The following ZNF487 variants were observed in gnomAD, a reference collection of about 807,000 sequenced individuals.
ZNF487 encodes KRAB domain only 1.
A neutral mutation model predicts 3.0 loss-of-function variants in ZNF487; 4 were observed. That is an observed-to-expected ratio of 1.35 (90% CI 0.66 to 3.08). The LOEUF is 3.08. Among genes scored for constraint, ZNF487 ranks in the 30% most tolerant of loss-of-function variants. The pLI, the probability that ZNF487 is intolerant of heterozygous loss-of-function variation, is 0.01. For synonymous variants in ZNF487, 55 were observed against 34.6 expected (o/e 1.59, Z -2.06); for missense variants, 146 against 98.7 (o/e 1.48, Z -2.03).
intron 1 of ZNF487, among the ~76,000 whole-genome samples, chr10:43,464,911 G>C (rs1048897112): frequency 6.6e-6 from 1 of 152,092 alleles, no homozygotes; most frequent in African/African-American, 2.4e-5. Context: ...GGTGGTGGCC[G>C]GGCAGAGGGG....
intron 1 of ZNF487, among the ~76,000 whole-genome samples, chr10:43,451,011 G>A (rs1033658311): frequency 6.6e-6 from 1 of 151,868 alleles, no homozygotes; most frequent in Non-Finnish European, 1.5e-5. Context: ...GCAATGGCGC[G>A]ATCTTGGCTC....
At chr10:43,493,929 G>T in the ZNF487 span, among the ~76,000 whole-genome samples, 417 of 151,318 alleles carry the variant, frequency 2.8e-3, 1 homozygote, top group Non-Finnish European at 5.1e-3. Flanking sequence ...CCTTTGGGAG[G>T]CTAAGGCAGG....
At chr10:43,480,019 CTT>C (rs1202085329) in intron 3 of ZNF487, among the ~76,000 whole-genome samples, 3 of 67,310 alleles carry the variant, frequency 4.5e-5, no homozygotes, top group African/African-American at 1.1e-4. Context: ...TTCTTTCTTT[CTT>C]TCTTTCTTTC....
intron 1 of ZNF487, among the ~76,000 whole-genome samples, chr10:43,462,461 T>TG (rs1233517689): frequency 6.6e-6 from 1 of 150,388 alleles, no homozygotes; most frequent in East Asian, 1.9e-4. Flanking sequence ...GACAACATTT[T>TG]TTTTTTTTTT....
chr10:43,498,438 C>A, the ZNF487 span, among the ~76,000 whole-genome samples: 1 of 150,064 alleles, frequency 6.7e-6, no homozygotes, highest in African/African-American at 2.5e-5. Context: ...TGCCACCATG[C>A]CGGCTAATTT....
intron 3 of ZNF487, among the ~76,000 whole-genome samples, chr10:43,479,970 CTTTTCTTTCTTTCCT>C (rs1841258835): frequency 1.8e-5 from 1 of 54,142 alleles, no homozygotes; most frequent in Admixed American, 1.9e-4. Flanking sequence ...TTCTTTCTTT[CTTTTCTTTCTTTCCT>C]TCTTTCTTTC....
At chr10:43,471,658 G>A (rs1235994709) in intron 1 of ZNF487, among the ~76,000 whole-genome samples, 1 of 152,164 alleles carries the variant, frequency 6.6e-6, no homozygotes, top group Admixed American at 6.5e-5. Flanking sequence ...GGAAGGGCAG[G>A]TTGCCTTCCC....
the ZNF487 span, among the ~76,000 whole-genome samples, chr10:43,499,981 T>G: frequency 6.6e-6 from 1 of 152,138 alleles, no homozygotes; most frequent in African/African-American, 2.4e-5. Flanking sequence ...CCTCCCAGGT[T>G]CAAGTGATTC....
At chr10:43,515,717 A>G in the ZNF487 span, among the ~76,000 whole-genome samples, 1 of 152,196 alleles carries the variant, frequency 6.6e-6, no homozygotes, top group Non-Finnish European at 1.5e-5. Flanking sequence ...ACTCAGGGCA[A>G]TCTTAGCAGA....
chr10:43,447,198 G>A (rs546666738), intron 1 of ZNF487, among the ~76,000 whole-genome samples: 88 of 152,054 alleles, frequency 5.8e-4, no homozygotes, highest in African/African-American at 2.0e-3. Context: ...GAGAGGGGGA[G>A]ACCGTGGAAA....
At chr10:43,443,173 C>T (rs1839679190) in intron 1 of ZNF487, among the ~76,000 whole-genome samples, 1 of 151,078 alleles carries the variant, frequency 6.6e-6, no homozygotes. Flanking sequence ...AGCAATTCTC[C>T]TGCCTCAGCC....
chr10:43,469,533 G>T (rs1057450980), intron 1 of ZNF487, among the ~76,000 whole-genome samples: 2 of 151,760 alleles, frequency 1.3e-5, no homozygotes, highest in African/African-American at 2.4e-5. Context: ...TAAGAGACAG[G>T]GTCCCTTATG....
At chr10:43,448,225 G>T (rs371465890) in intron 1 of ZNF487, among the ~76,000 whole-genome samples, 1 of 151,550 alleles carries the variant, frequency 6.6e-6, no homozygotes, top group East Asian at 1.9e-4. Context: ...TCCTGACCTC[G>T]TGATCCACCT....
the ZNF487 span, among the ~76,000 whole-genome samples, chr10:43,509,527 A>C: frequency 6.6e-6 from 1 of 151,234 alleles, no homozygotes; most frequent in East Asian, 2.0e-4. Flanking sequence ...ACAAGGCCCC[A>C]CAACACGCCA....
At chr10:43,510,544 CT>C in the ZNF487 span, among the ~76,000 whole-genome samples, 2 of 151,836 alleles carry the variant, frequency 1.3e-5, no homozygotes, top group Admixed American at 1.3e-4. Flanking sequence ...CTGTAACTCC[CT>C]TTTTTTTGTT....
rs1841375646 is a variant in ZNF487, at chr10:43,481,844, C to T, written c.546C>T (p.Tyr182=). ...YIQTLKQCFE[Y]NQCGKAFHEE... is the part of the protein sequence containing the mutation. ...AAACTCTTAAGCAGTGTTTTGAATA[C>T]AATCAGTGTGGGAAGGCTTTTCATG... is the stretch of plus-strand genomic sequence containing the variant. The change falls in exon 4 of 4, where the codon TAC becomes TAT. Residue 182 remains tyrosine, a synonymous_variant. Coordinates refer to ENST00000437590, the MANE Select transcript of ZNF487 (RefSeq NM_001355444.3). 2.8e-6 allele frequency: 2 copies of T among 702,916 alleles called. No homozygotes were observed. Among genetic ancestry groups the T allele is most frequent in the Non-Finnish European group, 5.2e-6 (2 of 384,950 alleles). 43.5% of individuals were successfully genotyped at this position (702,916 alleles called of 1,614,324 possible). A position where few individuals can be genotyped will look rare whatever the true frequency, so the allele number is the denominator to read the frequency against.
chr10:43,467,171 G>A (rs1365989252), intron 1 of ZNF487, among the ~76,000 whole-genome samples: 2 of 151,956 alleles, frequency 1.3e-5, no homozygotes, highest in East Asian at 1.9e-4. Context: ...CGCCGCACCC[G>A]GCCAAGGAGT....
downstream of ZNF487, among the ~76,000 whole-genome samples, chr10:43,483,669 A>C (rs1038754141): frequency 1.2e-4 from 18 of 152,160 alleles, no homozygotes; most frequent in African/African-American, 4.3e-4. Context: ...CTGGGACTAC[A>C]GGCATGTGTC....
In ZNF487 at chr10:43,469,449, T is replaced by C. The variant is rs553983015; in HGVS notation, c.-93-6272T>C. 4.6e-5 allele frequency among the ~76,000 whole-genome samples: 7 copies of C among 152,194 alleles called. No homozygotes were observed. In the East Asian group the frequency reaches 1.2e-3, roughly 25 times the overall value. ...CTCAGGTGATCCACCAGCCTTGGCC[T>C]CCTAAAGTGCTGGGATTACAGGCGT... On this transcript the variant is annotated intron_variant, in intron 1 of 3. Coordinates refer to ENST00000437590, the MANE Select transcript of ZNF487 (RefSeq NM_001355444.3).
Sources: allele counts gnomAD v4.1 joint callset (sites outside exome capture counted in the v4.1 genomes callset), GRCh38; gene constraint gnomAD v4.1.1; transcripts MANE v1.5; gene names NCBI Gene and HGNC (gene_info 2026-07-23, HGNC 2026-07-21).